ARMC9: variants seen among roughly 807,000 people sequenced by gnomAD.
The protein encoded by ARMC9 is armadillo repeat containing 9, also known as lisH domain-containing protein ARMC9.
A neutral mutation model predicts 107.0 loss-of-function variants in ARMC9; 94 were observed. The observed-to-expected ratio is 0.88, with a 90% CI of 0.74 to 1.04. The LOEUF (loss-of-function observed/expected upper bound fraction) is 1.04, where lower values mean the gene tolerates loss of function less well. Among genes scored for constraint, ARMC9 ranks in the 50% least tolerant of loss-of-function variants. The pLI is 0.00. For synonymous variants in ARMC9, 380 were observed against 396.9 expected, an observed-to-expected ratio of 0.96 and a Z score of 0.51; for missense variants, 942 against 1,030.1, an observed-to-expected ratio of 0.91 and a Z score of 1.17.
chr2:231,273,060 T>G lies in ARMC9; in HGVS notation c.1316T>G (p.Leu439Arg), dbSNP rs202134961. ...IITRENVLGA[L>R]QKFSLRRPLQ... ...ACCAGGGAGAATGTTCTTGGGGCCC[T>G]GCAGAAGTTCAGTCTCAGGTAACGA... The change falls in exon 14 of 25, where the codon CTG becomes CGG. Residue 439 changes from leucine (L) to arginine (R), a missense_variant. Physicochemically the swap from Leu to Arg is moderately radical, Grantham distance 102. Transcript: ENST00000611582. 18 of 1,608,686 alleles carry G rather than the reference T, an allele frequency of 1.1e-5. No individual in the cohort carries two copies. The highest frequency in any genetic ancestry group is 1.2e-5 in the Non-Finnish European group (14 of 1,177,092).
intron 17 of ARMC9, among the ~76,000 whole-genome samples, chr2:231,289,324 A>C (rs889439050): frequency 6.6e-6 from 1 of 152,050 alleles, no homozygotes; most frequent in Non-Finnish European, 1.5e-5. Flanking sequence ...AAAATTAGTC[A>C]GGCATGGTGG....
intron 23 of ARMC9, among the ~76,000 whole-genome samples, chr2:231,369,432 A>G (rs996465690): frequency 2.0e-5 from 3 of 151,698 alleles, no homozygotes; most frequent in African/African-American, 4.8e-5. Flanking sequence ...AGCTGGGACT[A>G]CAGGCATCTG....
chr2:231,219,908 A>G (rs2033933813), intron 5 of ARMC9, among the ~76,000 whole-genome samples: 1 of 152,106 alleles, frequency 6.6e-6, no homozygotes, highest in Non-Finnish European at 1.5e-5. Context: ...ATAGCTCACT[A>G]CAGCCTTGAC....
At chr2:231,279,290 TGG>T (rs2040014055) in intron 16 of ARMC9, among the ~76,000 whole-genome samples, 1 of 152,192 alleles carries the variant, frequency 6.6e-6, no homozygotes, top group African/African-American at 2.4e-5. Flanking sequence ...GAGGTATGTA[TGG>T]GTAAACAAAT....
chr2:231,370,446 A>T, intron 24 of ARMC9: 1 of 270,202 alleles, frequency 3.7e-6, no homozygotes, highest in Non-Finnish European at 6.9e-6. Context: ...GAGCTCACAG[A>T]GTTGGCCCTG....
rs183355729 is a variant in ARMC9, at chr2:231,241,457, A to G, written c.879+1416A>G. 3.5e-4 allele frequency among the ~76,000 whole-genome samples: 53 copies of G among 152,078 alleles called. No homozygotes were observed. The South Asian group carries it at 5.2e-3, about 15-fold the overall frequency. ...CTCACACCAACCTGCTGCCCCATTC[A>G]CAGGCTGCGTGGGTGAAGCCCTGTG... is the stretch of plus-strand genomic sequence containing the variant. On this transcript the variant is annotated intron_variant, in intron 9 of 24. Transcript: ENST00000611582.
intron 3 of ARMC9, among the ~76,000 whole-genome samples, chr2:231,212,686 T>C (rs1465444269): frequency 6.6e-6 from 1 of 152,178 alleles, no homozygotes; most frequent in Admixed American, 6.5e-5. Context: ...CCCTTCACCT[T>C]TGTGGCAGTC....
At chr2:231,353,474 A>G in intron 21 of ARMC9, among the ~76,000 whole-genome samples, 1 of 110,610 alleles carries the variant, frequency 9.0e-6, no homozygotes, top group African/African-American at 1.0e-4. Context: ...GAGCCACTGC[A>G]CCCGGCCACA....
chr2:231,310,266 T>C (rs1307090944), intron 19 of ARMC9, among the ~76,000 whole-genome samples: 3 of 144,528 alleles, frequency 2.1e-5, no homozygotes, highest in Non-Finnish European at 4.5e-5. Context: ...ACTACAAAAT[T>C]AGGCAGGCAT....
At chr2:231,351,551 A>G (rs532211113) in intron 21 of ARMC9, among the ~76,000 whole-genome samples, 23 of 152,216 alleles carry the variant, frequency 1.5e-4, no homozygotes, top group Middle Eastern at 6.8e-3. Context: ...AGTGTATTAC[A>G]TTTAGTATAG....
intron 8 of ARMC9, among the ~76,000 whole-genome samples, chr2:231,236,926 A>G (rs1282056972): frequency 1.3e-5 from 2 of 152,208 alleles, no homozygotes; most frequent in Non-Finnish European, 2.9e-5. Flanking sequence ...ACAGCGTGAA[A>G]CTGTGTCTCA....
intron 19 of ARMC9, among the ~76,000 whole-genome samples, chr2:231,313,920 T>TCCTTGAGTAGCTGG: frequency 6.7e-6 from 1 of 148,378 alleles, no homozygotes; most frequent in Admixed American, 6.7e-5. Flanking sequence ...CACTTCTGCC[T>TCCTTGAGTAGCTGG]AATTTTTTTT....
chr2:231,261,467 T>C (rs2038334399), intron 11 of ARMC9, among the ~76,000 whole-genome samples: 1 of 152,210 alleles, frequency 6.6e-6, no homozygotes, highest in South Asian at 2.1e-4. Flanking sequence ...CACTCTGTCA[T>C]TCCCAATAGG....
At chr2:231,210,028 G>A (rs1254009090) in intron 3 of ARMC9, among the ~76,000 whole-genome samples, 2 of 152,328 alleles carry the variant, frequency 1.3e-5, no homozygotes, top group Admixed American at 6.5e-5. Flanking sequence ...CCTACTTCCA[G>A]AAATAATTTT....
At chr2:231,351,058 C>A (rs1323681497) in intron 21 of ARMC9, among the ~76,000 whole-genome samples, 2 of 136,570 alleles carry the variant, frequency 1.5e-5, no homozygotes, top group Non-Finnish European at 3.1e-5. Flanking sequence ...TCCCAGTTCA[C>A]GCCATTCTCC....
chr2:231,270,348 T>C (rs1425371152), intron 12 of ARMC9, among the ~76,000 whole-genome samples: 1 of 152,212 alleles, frequency 6.6e-6, no homozygotes, highest in East Asian at 1.9e-4. Flanking sequence ...TGCTGAGAGG[T>C]GTGCAGGAGT....
At chr2:231,333,075 C>T (rs747950659) in intron 20 of ARMC9, among the ~76,000 whole-genome samples, 4 of 152,176 alleles carry the variant, frequency 2.6e-5, no homozygotes, top group Non-Finnish European at 5.9e-5. Flanking sequence ...CAACCCAGAC[C>T]CTTGGCACCT....
chr2:231,239,802 A>T (rs1454099626), intron 8 of ARMC9, 141 bp from the exon 9 acceptor site: 1 of 707,008 alleles, frequency 1.4e-6, no homozygotes, highest in Non-Finnish European at 2.5e-6. Flanking sequence ...AAAGCAAATG[A>T]TTATTTTTCT....
chr2:231,281,688 C>T (rs962318800), intron 16 of ARMC9, among the ~76,000 whole-genome samples: 4 of 152,104 alleles, frequency 2.6e-5, no homozygotes, highest in African/African-American at 9.7e-5. Flanking sequence ...AGAGGGGTTC[C>T]TATCGAAGAG....
Sources: gnomAD v4.1 joint callset for allele counts (sites outside exome capture counted in the v4.1 genomes callset) on GRCh38, gnomAD v4.1.1 for gene constraint, MANE v1.5 for transcripts, NCBI Gene and HGNC (gene_info 2026-07-23, HGNC 2026-07-21) for gene names.